Variants in RBFOX1 observed in about 807,000 individuals in gnomAD.
RBFOX1 encodes the protein RNA binding protein fox-1 homolog 1.
A neutral mutation model predicts 57.7 loss-of-function variants in RBFOX1; 8 were observed. The observed-to-expected ratio is 0.14, with a 90% CI of 0.08 to 0.25. The LOEUF is 0.25. Among genes scored for constraint, RBFOX1 ranks in the 10% least tolerant of loss-of-function variants. The pLI is 1.00. For missense variants in RBFOX1, 611 were observed against 548.5 expected, an observed-to-expected ratio of 1.11 and a Z score of -1.14; for synonymous variants, 326 against 222.4, an observed-to-expected ratio of 1.47 and a Z score of -4.15.
chr16:7,328,492 A>AT (rs1432220288), intron 4 of RBFOX1, among the ~76,000 whole-genome samples: 1 of 151,132 alleles, frequency 6.6e-6, no homozygotes, highest in African/African-American at 2.4e-5. Context: ...AAAAAAAAAA[A>AT]AAAAAAAAGA....
At chr16:6,561,104 A>G (rs1394272170) in intron 2 of RBFOX1, among the ~76,000 whole-genome samples, 1 of 152,172 alleles carries the variant, frequency 6.6e-6, no homozygotes, top group Non-Finnish European at 1.5e-5. Context: ...TTTAATTTGC[A>G]GTCTATGAAC....
chr16:6,508,709 A>C (rs149035866), intron 2 of RBFOX1, among the ~76,000 whole-genome samples: 1 of 152,060 alleles, frequency 6.6e-6, no homozygotes, highest in African/African-American at 2.4e-5. Context: ...CAGTTACTTC[A>C]TCCTAAAATT....
chr16:6,868,479 A>T (rs1489703574), intron 3 of RBFOX1, among the ~76,000 whole-genome samples: 1 of 142,384 alleles, frequency 7.0e-6, no homozygotes, highest in Non-Finnish European at 1.6e-5. Flanking sequence ...TTATTGGTTT[A>T]TGATTTTTTT....
chr16:6,123,741 C>A (rs1389089312), intron 1 of RBFOX1, among the ~76,000 whole-genome samples: 2 of 151,966 alleles, frequency 1.3e-5, no homozygotes, highest in African/African-American at 2.4e-5. Flanking sequence ...CCCGTCTTTA[C>A]AAAATATACA....
intron 3 of RBFOX1, among the ~76,000 whole-genome samples, chr16:6,807,908 G>A (rs2087293364): frequency 6.8e-6 from 1 of 147,578 alleles, no homozygotes; most frequent in South Asian, 2.1e-4. Flanking sequence ...GTGTGTGTGT[G>A]TGTGTGTATA....
intron 4 of RBFOX1, among the ~76,000 whole-genome samples, chr16:7,226,287 T>G (rs1340222003): frequency 1.3e-5 from 2 of 152,206 alleles, no homozygotes; most frequent in Non-Finnish European, 2.9e-5. Flanking sequence ...TCTCATGAAC[T>G]ACAAGCTACG....
intron 3 of RBFOX1, among the ~76,000 whole-genome samples, chr16:7,027,911 A>T (rs1056533201): frequency 2.0e-5 from 3 of 151,702 alleles, no homozygotes; most frequent in Non-Finnish European, 2.9e-5. Context: ...AGGGAGGAAG[A>T]AAAGAAGGGA....
At chr16:7,130,951 C>T (rs768821526) in intron 4 of RBFOX1, among the ~76,000 whole-genome samples, 2 of 152,104 alleles carry the variant, frequency 1.3e-5, no homozygotes, top group African/African-American at 2.4e-5. Flanking sequence ...AGAAGGTGCA[C>T]CACCTATAAG....
intron 2 of RBFOX1, among the ~76,000 whole-genome samples, chr16:6,408,368 T>G (rs2093355167): frequency 6.6e-6 from 1 of 152,080 alleles, no homozygotes; most frequent in Non-Finnish European, 1.5e-5. Flanking sequence ...TGGGATGTAT[T>G]TAATGTATGA....
intron 1 of RBFOX1, among the ~76,000 whole-genome samples, chr16:6,063,576 T>A (rs1412722162): frequency 6.6e-6 from 1 of 151,680 alleles, no homozygotes; most frequent in African/African-American, 2.4e-5. Flanking sequence ...CCACCAAAAC[T>A]ACATCCTGGG....
chr16:6,350,207 C>A lies in RBFOX1; in HGVS notation c.-64+33150C>A, dbSNP rs557859552. Among the ~76,000 whole-genome samples the A allele has an allele frequency of 2.0e-5, 3 of 152,008 alleles. No homozygotes were observed. The East Asian group carries it at 5.8e-4, about 29-fold the overall frequency. ...ATCCCAGCTCTTTAGGAGGCTAAGG[C>A]GGGCAGATTGCCTGAGGTCGGGAGT... On this transcript the variant is annotated intron_variant, in intron 2 of 15. Coordinates refer to ENST00000550418, the MANE Select transcript of RBFOX1 (RefSeq NM_018723.4).
intron 3 of RBFOX1, among the ~76,000 whole-genome samples, chr16:6,887,560 C>A (rs1407383288): frequency 6.6e-6 from 1 of 150,458 alleles, no homozygotes; most frequent in Admixed American, 6.6e-5. Flanking sequence ...AACACATATA[C>A]TTTTTTTTTT....
intron 3 of RBFOX1, among the ~76,000 whole-genome samples, chr16:6,962,026 C>G (rs999074016): frequency 4.6e-5 from 7 of 152,156 alleles, no homozygotes; most frequent in African/African-American, 1.7e-4. Flanking sequence ...TTACCCAGCC[C>G]CTATTCAAGA....
intron 3 of RBFOX1, among the ~76,000 whole-genome samples, chr16:6,921,879 A>G (rs1025799053): frequency 2.0e-5 from 3 of 152,072 alleles, no homozygotes; most frequent in Admixed American, 6.6e-5. Flanking sequence ...CCCATAATGA[A>G]GAGGAGGAGA....
chr16:5,780,515 A>T (rs2054291202), intron 3 of RBFOX1, among the ~76,000 whole-genome samples: 1 of 152,238 alleles, frequency 6.6e-6, no homozygotes, highest in Non-Finnish European at 1.5e-5. Flanking sequence ...ATAGATATAT[A>T]CAGTGTGTAT....
At chr16:6,823,166 G>A (rs8056963) in intron 3 of RBFOX1, among the ~76,000 whole-genome samples, 59,361 of 151,562 alleles carry the variant, frequency 0.39, 12,600 homozygotes, top group Non-Finnish European at 0.48. Context: ...CAGCCCCAAA[G>A]TGATTAGGGA....
intron 2 of RBFOX1, among the ~76,000 whole-genome samples, chr16:6,629,508 G>T (rs1037293301): frequency 2.0e-5 from 3 of 152,158 alleles, no homozygotes; most frequent in African/African-American, 7.2e-5. Flanking sequence ...TACAAAAAAT[G>T]GGTTATACTT....
At chr16:5,743,148 G>A (rs750067378) in intron 3 of RBFOX1, among the ~76,000 whole-genome samples, 3 of 152,190 alleles carry the variant, frequency 2.0e-5, no homozygotes. Flanking sequence ...AACGAAAAAG[G>A]AGAGGAGATA....
At chr16:5,465,255 C>A (rs1198722628) in intron 1 of RBFOX1, among the ~76,000 whole-genome samples, 6 of 152,150 alleles carry the variant, frequency 3.9e-5, no homozygotes, top group African/African-American at 1.4e-4. Context: ...CCTCACCTGG[C>A]CTTTCTTCTC....
Sources: gnomAD v4.1 joint callset for allele counts (sites outside exome capture counted in the v4.1 genomes callset) on GRCh38, gnomAD v4.1.1 for gene constraint, MANE v1.5 for transcripts, NCBI Gene and HGNC (gene_info 2026-07-23, HGNC 2026-07-21) for gene names.